The following KMT2D variants were observed in gnomAD, a reference collection of about 807,000 sequenced individuals.
KMT2D encodes lysine methyltransferase 2D, also known as histone-lysine N-methyltransferase 2D.
KMT2D carries 55 observed loss-of-function variants against 512.7 expected under a neutral mutation model. That is an observed-to-expected ratio of 0.11 (90% confidence interval 0.09 to 0.13). The LOEUF is 0.13. Ranked by LOEUF, KMT2D falls within the 10% of genes least tolerant of loss-of-function variation. The pLI is 1.00. For missense variants in KMT2D, 6,061 were observed against 7,127.9 expected (o/e 0.85, Z 5.39); for synonymous variants, 2,995 against 2,904.0 (o/e 1.03, Z -1.01).
chr12:49,037,170 A>G lies in KMT2D; in HGVS notation c.10186T>C (p.Leu3396=), dbSNP rs750607749. The change falls in exon 35 of 55, where the codon TTG becomes CTG. Residue 3396 remains leucine (L), a synonymous_variant. Coordinates refer to ENST00000301067, the MANE Select transcript of KMT2D (RefSeq NM_003482.4). ...TTTGCCAGCTGCTGCTGCATTGCCA[A>G]TTGCTGCGGCTTCATGCACATGGAA... ...PPSMCMKPQQ[L]AMQQQLANSF... The G allele has an allele frequency of 4.4e-6, 7 of 1,595,242 alleles. No individual in the cohort carries two copies. The South Asian group carries it at 5.6e-5, about 13-fold the overall frequency.
chr12:49,050,952 G>C lies in KMT2D; in HGVS notation c.2731C>G (p.Leu911Val), dbSNP rs751936279. The C allele has an allele frequency of 6.5e-7, 1 of 1,545,984 alleles. No homozygotes were observed. The highest frequency in any genetic ancestry group is 8.7e-7 in the Non-Finnish European group (1 of 1,147,194). Reference protein sequence around the residue: ...SEPGEPPLSPLPEELPLSPSG... With the variant: ...SEPGEPPLSPVPEELPLSPSG... Reference sequence around the variant, plus strand: ...GGGGACAACGGCAGCTCCTCGGGCAGAGGGGACAGAGGTGGTTCCCCAGGC... The same window carrying C: ...GGGGACAACGGCAGCTCCTCGGGCACAGGGGACAGAGGTGGTTCCCCAGGC... Residue 911 changes from leucine (L) to valine (V), a missense_variant, in exon 11 of 55, where the codon CTG (leucine) becomes GTG (valine). Coordinates refer to ENST00000301067, the MANE Select transcript of KMT2D (RefSeq NM_003482.4).
intron 19 of KMT2D, 148 bp from the exon 20 acceptor site, chr12:49,045,113 G>A: frequency 1.4e-6 from 1 of 712,534 alleles, no homozygotes; most frequent in Non-Finnish European, 2.4e-6. Context: ...AGGCCACCAA[G>A]GGGCACTGGC....
Position 49,022,622 on chromosome 12 carries a change from C to T in KMT2D, c.16306G>A (p.Ala5436Thr), listed in dbSNP as rs757466135. The T allele has an allele frequency of 6.2e-7, 1 of 1,613,840 alleles. No individual in the cohort carries two copies. The highest frequency in any genetic ancestry group is 1.1e-5 in the South Asian group (1 of 91,084). ...YIGTIIRNEV[A>T]NRREKIYEEQ... ...TCGTAGATTTTCTCCCGCCGGTTGGCCACCTCGTTCCGAATGATGGTGCCA... is the reference window on the plus strand; with the variant it reads ...TCGTAGATTTTCTCCCGCCGGTTGGTCACCTCGTTCCGAATGATGGTGCCA... The change falls in exon 52 of 55, where the codon GCC becomes ACC. Residue 5436 changes from alanine (A) to threonine (T), a missense_variant. Physicochemically the swap from Ala to Thr is moderately conservative, Grantham distance 58 (BLOSUM62 0). Coordinates refer to ENST00000301067, the MANE Select transcript of KMT2D (RefSeq NM_003482.4). This position sits in a 1 kb window ranked among gnomAD's most constrained non-coding sequence, Gnocchi z 8.6.
chr12:49,026,420 G>A lies in KMT2D; in HGVS notation c.15546C>T (p.Gly5182=), dbSNP rs1064211. 5.6e-6 allele frequency: 9 copies of A among 1,613,904 alleles called. No homozygotes were observed. In the East Asian group the frequency reaches 1.8e-4, roughly 32 times the overall value. ...GCTGTCCGATGGCGTGGAACACAAG[G>A]CCCCCCACACGGAACATGTGCAGCC... The part of the protein sequence containing the change: ...GERLHMFRVG[G]LVFHAIGQLL... Residue 5182 remains glycine, a synonymous_variant, in exon 49 of 55, where the codon GGC becomes GGT. Coordinates refer to ENST00000301067, the MANE Select transcript of KMT2D (RefSeq NM_003482.4). This position sits in a 1 kb window ranked among gnomAD's most constrained non-coding sequence, Gnocchi z 9.6.
rs1426839407 is a variant in KMT2D at position 49,041,402 on chromosome 12, G to A, written c.6368C>T (p.Thr2123Ile). Residue 2123 changes from threonine (T) to isoleucine (I), a missense_variant, in exon 32 of 55, where the codon ACC becomes ATC. Physicochemically the swap from Thr to Ile is moderately conservative, Grantham distance 89. This residue lies in a region of KMT2D where 710 missense variants were observed against 647.3 expected (regional missense o/e 1.10). Transcript: ENST00000301067. The surrounding 1 kb of genome is among the most constrained non-coding windows in gnomAD (Gnocchi z 5.4). ...LGSPPPAAAP[T>I]IFIGSPTTPA... ...GGTAGTGGGGCTGCCAATGAAAATGGTGGGGGCAGCAGCGGGGGGCGGGCT... is the reference window on the plus strand; with the variant it reads ...GGTAGTGGGGCTGCCAATGAAAATGATGGGGGCAGCAGCGGGGGGCGGGCT... 3 of 1,607,122 alleles carry A rather than the reference G, an allele frequency of 1.9e-6. No individual in the cohort carries two copies. The highest frequency in any genetic ancestry group is 1.7e-5 in the Admixed American group (1 of 59,520).
In KMT2D at chr12:49,021,653, G is replaced by C. The variant is rs886049469; in HGVS notation, c.*127C>G. 3 of 771,512 alleles carry C rather than the reference G, an allele frequency of 3.9e-6. No homozygotes were observed. Among genetic ancestry groups the C allele is most frequent in the Admixed American group, 2.6e-5 (1 of 37,898 alleles). The allele number at this position is 771,512 out of a possible 1,614,324, so 47.8% of individuals were successfully genotyped here. ...TCTGCCCCAGCCTCCTGCTCCAGGGGCTCCGGGTCAGCCGGCAGCCCCAAC... is the reference window on the plus strand; with the variant it reads ...TCTGCCCCAGCCTCCTGCTCCAGGGCCTCCGGGTCAGCCGGCAGCCCCAAC... On this transcript the variant is annotated 3_prime_UTR_variant, in exon 55 of 55. Transcript: ENST00000301067.
Position 49,046,120 on chromosome 12 carries a change from T to C in KMT2D, c.4638A>G (p.Ala1546=), listed in dbSNP as rs766917084. ...SLFTEDDVEQ[A]ADEGFDCVSC... ...AGACACAGTCAAAGCCTTCATCGGC[T>C]GCCTGCTCCACATCGTCCTCTGTGA... Residue 1546 remains alanine (A), a synonymous_variant, in exon 18 of 55, where the codon GCA becomes GCG. Coordinates refer to ENST00000301067, the MANE Select transcript of KMT2D (RefSeq NM_003482.4). The surrounding 1 kb of genome is among the most constrained non-coding windows in gnomAD (Gnocchi z 4.2). The C allele has an allele frequency of 1.9e-6, 3 of 1,611,056 alleles. No individual in the cohort carries two copies. Among genetic ancestry groups the C allele is most frequent in the Admixed American group, 1.7e-5 (1 of 59,554 alleles).
At position 49,051,668 on chromosome 12, in the gene KMT2D, G is replaced by T; in HGVS notation, c.2015C>A (p.Ser672Tyr). The T allele has an allele frequency of 6.3e-7, 1 of 1,576,486 alleles. No individual in the cohort carries two copies. The highest frequency in any genetic ancestry group is 8.6e-7 in the Non-Finnish European group (1 of 1,159,402). ...CGTGGGAGACTCCTCAGGCGGTGGG[G>T]ACAAGGGAGATTCCTCAGGCGGTGG... is the stretch of plus-strand genomic sequence containing the variant. ...LSPPPEESPL[S>Y]PPPEESPTSP... The change falls in exon 11 of 55, where the codon TCC (serine) becomes TAC (tyrosine). Residue 672 changes from serine to tyrosine, a missense_variant. Ser to Tyr is a moderately radical substitution (Grantham distance 144, BLOSUM62 -2). Around this residue, in one of 16 missense-constraint regions of KMT2D, gnomAD observed 848 missense variants for 838.5 expected, o/e 1.01. Transcript: ENST00000301067.
intron 36 of KMT2D, 24 bp from the exon 37 acceptor site, chr12:49,034,690 G>T: frequency 6.2e-7 from 1 of 1,610,316 alleles, no homozygotes; most frequent in Non-Finnish European, 8.5e-7. Context: ...AAGCACAGAA[G>T]ATAAGTGTTG....
chr12:49,044,513 T>C lies in KMT2D; in HGVS notation c.4973A>G (p.Glu1658Gly). ...DELLKGEGGV[E>G]HMECEIKLEG... is the part of the protein sequence containing the mutation. ...CAGTTTAATTTCGCACTCCATGTGC[T>C]CCACACCACCTGCGTATGGTGACAG... The change falls in exon 21 of 55, where the codon GAG (glutamate) becomes GGG (glycine). Residue 1658 changes from glutamate (E) to glycine (G), a missense_variant. By Grantham distance (98) the Glu-to-Gly change is moderately conservative. Transcript: ENST00000301067. The surrounding 1 kb of genome is among the most constrained non-coding windows in gnomAD (Gnocchi z 6.4). 6.2e-7 allele frequency: 1 copy of C among 1,613,968 alleles called. No homozygotes were observed. The highest frequency in any genetic ancestry group is 8.5e-7 in the Non-Finnish European group (1 of 1,179,872).
At position 49,049,188 on chromosome 12, in the gene KMT2D, G is replaced by A. The variant is rs769189340; in HGVS notation, c.3937C>T (p.Arg1313Trp). 1.2e-6 allele frequency: 2 copies of A among 1,607,462 alleles called. No individual in the cohort carries two copies. The highest frequency in any genetic ancestry group is 1.7e-6 in the Non-Finnish European group (2 of 1,176,778). The change falls in exon 13 of 55, where the codon CGG becomes TGG. Residue 1313 changes from arginine (R) to tryptophan (W), a missense_variant. By Grantham distance (101) the Arg-to-Trp change is moderately radical (BLOSUM62 -3). Around this residue, in one of 16 missense-constraint regions of KMT2D, gnomAD observed 447 missense variants for 500.1 expected, o/e 0.89. Coordinates refer to ENST00000301067, the MANE Select transcript of KMT2D (RefSeq NM_003482.4). ...GRSSSFPGRR[R>W]PRGGAHGGRG... Reference sequence around the variant, plus strand: ...CCTCCATGGGCTCCTCCACGAGGCCGGCGTCTTCCTGGGAAACTGCTGCTG... The same window carrying A: ...CCTCCATGGGCTCCTCCACGAGGCCAGCGTCTTCCTGGGAAACTGCTGCTG...
In KMT2D at chr12:49,021,754, C is replaced by T; in HGVS notation, c.*26G>A. 6.4e-7 allele frequency: 1 copy of T among 1,573,634 alleles called. No individual in the cohort carries two copies. Among genetic ancestry groups the T allele is most frequent in the South Asian group, 1.1e-5 (1 of 90,202 alleles). ...GGAAGAGGTTGTGGGTAGGGGGACT[C>T]CCCTGCCTGGTAGCCTCAAAGCTTC... On this transcript the variant is annotated 3_prime_UTR_variant, in exon 55 of 55. Coordinates refer to ENST00000301067, the MANE Select transcript of KMT2D (RefSeq NM_003482.4).
chr12:49,054,096 G>A lies in KMT2D; in HGVS notation c.555C>T (p.Arg185=), dbSNP rs2120704421. Residue 185 remains arginine, a synonymous_variant, in exon 6 of 55, where the codon CGC becomes CGT. Coordinates refer to ENST00000301067, the MANE Select transcript of KMT2D (RefSeq NM_003482.4). The surrounding 1 kb of genome is among the most constrained non-coding windows in gnomAD (Gnocchi z 6.4). ...GGTAAAGCCGTGGACATCCAGGTGA[G>A]CGGCAAGGGATGGAGGCACCGAGCC... ...CTRLGASIPC[R]SPGCPRLYHF... is the part of the protein sequence containing the mutation. The A allele has an allele frequency of 6.2e-7, 1 of 1,613,504 alleles. No homozygotes were observed. Among genetic ancestry groups the A allele is most frequent in the Non-Finnish European group, 8.5e-7 (1 of 1,179,680 alleles).
At position 49,040,752 on chromosome 12, in the gene KMT2D, G is replaced by A. The variant is rs1297761342; in HGVS notation, c.7018C>T (p.Pro2340Ser). The A allele has an allele frequency of 3.1e-6, 5 of 1,613,376 alleles. No individual in the cohort carries two copies. The highest frequency in any genetic ancestry group is 1.1e-5 in the South Asian group (1 of 91,082). The change falls in exon 32 of 55, where the codon CCC becomes TCC. Residue 2340 changes from proline to serine, a missense_variant. By Grantham distance (74) the Pro-to-Ser change is moderately conservative. Transcript: ENST00000301067. ...PLTPRASQVE[P>S]QSPGLGLRPQ... ...CTTAGGCCCAAGCCCGGGCTCTGGG[G>A]CTCTACCTGAGATGCCCGAGGGGTC...
At position 49,028,782 on chromosome 12, in the gene KMT2D, C is replaced by T. The variant is rs1942739753; in HGVS notation, c.14382+46G>A. On this transcript the variant is annotated intron_variant, in intron 46 of 54. Coordinates refer to ENST00000301067, the MANE Select transcript of KMT2D (RefSeq NM_003482.4). Reference sequence around the variant, plus strand: ...TATCCAGACAAATTCCAGGGACTGCCCTCTGATCAGGTTCCCCTCAGCCTC... The same window carrying T: ...TATCCAGACAAATTCCAGGGACTGCTCTCTGATCAGGTTCCCCTCAGCCTC... The T allele has an allele frequency of 1.9e-6, 3 of 1,607,430 alleles. No homozygotes were observed. The South Asian group carries it at 3.3e-5, about 18-fold the overall frequency.
chr12:49,042,575 C>T lies in KMT2D; in HGVS notation c.5853G>A (p.Pro1951=), dbSNP rs368303719. Residue 1951 remains proline, a synonymous_variant, in exon 28 of 55, where the codon CCG becomes CCA. Transcript: ENST00000301067. The surrounding 1 kb of genome is among the most constrained non-coding windows in gnomAD (Gnocchi z 4.4). ...GAGACACCAACCTAGAATCCAGGAA[C>T]GGGGACTGGCAGAGGCCTGGGTAGG... ...MDSYPGLCQS[P]FLDSRERGGF... 1.7e-5 allele frequency: 27 copies of T among 1,613,760 alleles called. No homozygotes were observed. In the Admixed American group the frequency reaches 2.8e-4, roughly 17 times the overall value.
rs753409439 is a variant in KMT2D, at chr12:49,040,658, G to A, written c.7112C>T (p.Pro2371Leu). Residue 2371 changes from proline (P) to leucine (L), a missense_variant, in exon 32 of 55, where the codon CCT (proline) becomes CTT (leucine). By Grantham distance (98) the Pro-to-Leu change is moderately conservative (BLOSUM62 -3). This residue lies in a region of KMT2D where 710 missense variants were observed against 647.3 expected (regional missense o/e 1.10). Transcript: ENST00000301067. Reference protein sequence around the residue: ...SPPSHPDIFRPGSYTDPYAQP... With the variant: ...SPPSHPDIFRLGSYTDPYAQP... ...AGCATATGGGTCAGTGTAGGAGCCA[G>A]GGCGAAAGATGTCTGGGTGACTTGG... 26 of 1,613,854 alleles carry A rather than the reference G, an allele frequency of 1.6e-5. No homozygotes were observed. The highest frequency in any genetic ancestry group is 2.1e-5 in the Non-Finnish European group (25 of 1,179,820).
At position 49,048,789 on chromosome 12, in the gene KMT2D, G is replaced by A. The variant is rs974716844; in HGVS notation, c.4021-20C>T. 6.6e-7 allele frequency: 1 copy of A among 1,505,152 alleles called. No individual in the cohort carries two copies. Among genetic ancestry groups the A allele is most frequent in the South Asian group, 1.1e-5 (1 of 87,870 alleles). The allele number at this position is 1,505,152 out of a possible 1,614,324, so 93.2% of individuals were successfully genotyped here. The stretch of plus-strand genomic sequence containing the variant: ...AGCAACCTGATGGGCAGAGAGTTAT[G>A]GAAAGTGAGGCAGATAAATCTGCCC... On this transcript the variant is annotated intron_variant, in intron 13 of 54. Coordinates refer to ENST00000301067, the MANE Select transcript of KMT2D (RefSeq NM_003482.4).
rs2120536129 is a variant in KMT2D, at chr12:49,040,836, A to G, written c.6934T>C (p.Ser2312Pro). 6.2e-7 allele frequency: 1 copy of G among 1,613,744 alleles called. No individual in the cohort carries two copies. The highest frequency in any genetic ancestry group is 1.3e-5 in the African/African-American group (1 of 75,014). Residue 2312 changes from serine to proline, a missense_variant, in exon 32 of 55, where the codon TCA (serine) becomes CCA (proline). Physicochemically the swap from Ser to Pro is moderately conservative, Grantham distance 74. Coordinates refer to ENST00000301067, the MANE Select transcript of KMT2D (RefSeq NM_003482.4). ...PNLGFVDSPS[S>P]GTHLGGLELK... Reference sequence around the variant, plus strand: ...TCCAGGCCACCCAGGTGGGTGCCTGAGGAGGGTGAGTCAACAAAGCCCAGG... The same window carrying G: ...TCCAGGCCACCCAGGTGGGTGCCTGGGGAGGGTGAGTCAACAAAGCCCAGG...
Sources: gnomAD v4.1 joint callset for allele counts on GRCh38, gnomAD v4.1.1 for gene constraint, gnomAD v4.1.1 regional missense constraint, Gnocchi (gnomAD v3.1) non-coding constraint, MANE v1.5 for transcripts, NCBI Gene and HGNC (gene_info 2026-07-23, HGNC 2026-07-21) for gene names.